The following CGRRF1 variants were observed in gnomAD, a reference collection of about 807,000 sequenced individuals.
CGRRF1 encodes the protein cell growth regulator with RING finger domain protein 1.
Under a neutral mutation model 37.2 loss-of-function variants are expected in CGRRF1, and 32 were observed. The observed-to-expected ratio is 0.86, with a 90% CI of 0.65 to 1.16. The LOEUF (loss-of-function observed/expected upper bound fraction) is 1.16. Among genes scored for constraint, CGRRF1 ranks in the 50% most tolerant of loss-of-function variants. CGRRF1 has a pLI of 0.00. For synonymous variants in CGRRF1, 141 were observed against 140.3 expected (o/e 1.00, Z -0.04); for missense variants, 391 against 382.6 (o/e 1.02, Z -0.18).
In CGRRF1 at chr14:54,522,570, A is replaced by C. The variant is rs1365502814; in HGVS notation, c.221A>C (p.Asn74Thr). ...AATCCTTTTGGCTTAGAGATCACTA[A>C]TCCATCTTCAGCTTCAATTACAAGT... is the stretch of plus-strand genomic sequence containing the variant. ...VKNPFGLEITNPSSASITTGI... is the reference protein window; with the variant it reads ...VKNPFGLEITTPSSASITTGI... The change falls in exon 2 of 6, where the codon AAT becomes ACT. Residue 74 changes from asparagine (N) to threonine (T), a missense_variant. Asn to Thr is a moderately conservative substitution (Grantham distance 65). Coordinates refer to ENST00000216420, the MANE Select transcript of CGRRF1 (RefSeq NM_006568.3). The C allele has an allele frequency of 6.9e-6, 11 of 1,590,392 alleles. No homozygotes were observed. The highest frequency in any genetic ancestry group is 9.4e-6 in the Non-Finnish European group (11 of 1,172,628).
rs779089487 is a variant in CGRRF1 at position 54,510,103 on chromosome 14, G to A, written c.104+40G>A. 12 of 1,472,914 alleles carry A rather than the reference G, an allele frequency of 8.1e-6. No individual in the cohort carries two copies. The Admixed American group carries it at 1.0e-4, about 13-fold the overall frequency. The allele number at this position is 1,472,914 out of a possible 1,614,324, so 91.2% of individuals were successfully genotyped here. A position where few individuals can be genotyped will look rare whatever the true frequency, so the allele number is the denominator to read the frequency against. On this transcript the variant is annotated intron_variant, in intron 1 of 5. Transcript: ENST00000216420. ...GGTGAGAGACGAAGGGGCGGATACC[G>A]CCAGAGTGGGGTCGCGACGAGCAGC... is the stretch of plus-strand genomic sequence containing the variant.
chr14:54,537,344 G>T (rs1380201296), intron 4 of CGRRF1: 1 of 153,030 alleles, frequency 6.5e-6, no homozygotes, highest in Non-Finnish European at 1.5e-5. Context: ...AGCTCTCTAA[G>T]CAAAAGTGTT....
At chr14:54,532,646 C>T (rs1008478114) in intron 4 of CGRRF1, among the ~76,000 whole-genome samples, 2 of 150,876 alleles carry the variant, frequency 1.3e-5, no homozygotes, top group Non-Finnish European at 2.9e-5. Context: ...AGTGTATTTC[C>T]AGAACCTAGT....
At chr14:54,533,860 A>G (rs2032559603) in intron 4 of CGRRF1, among the ~76,000 whole-genome samples, 2 of 152,078 alleles carry the variant, frequency 1.3e-5, no homozygotes, top group South Asian at 4.2e-4. Context: ...AAGTGTAGAT[A>G]AGCCAAAAGG....
chr14:54,526,431 G>A (rs750634826), intron 2 of CGRRF1, among the ~76,000 whole-genome samples: 26 of 151,554 alleles, frequency 1.7e-4, no homozygotes, highest in Admixed American at 3.3e-4. Context: ...TTACAAGTGT[G>A]AGCCACTGCG....
chr14:54,510,093 G>A (rs764422996), intron 1 of CGRRF1, 30 bp downstream of exon 1: 2 of 1,527,670 alleles, frequency 1.3e-6, no homozygotes, highest in Non-Finnish European at 1.8e-6. Context: ...GAGACGAAGG[G>A]GCGGATACCG....
intron 2 of CGRRF1, 74 bp downstream of exon 2, chr14:54,522,667 A>G (rs1028956061): frequency 1.1e-5 from 15 of 1,359,758 alleles, no homozygotes; most frequent in Admixed American, 2.4e-5. Context: ...TTCTTTCTCT[A>G]TTTCTTTCCC....
chr14:54,532,084 T>C (rs2032525647), intron 4 of CGRRF1, among the ~76,000 whole-genome samples: 1 of 152,150 alleles, frequency 6.6e-6, no homozygotes, highest in African/African-American at 2.4e-5. Context: ...ATTCAGGCAG[T>C]AAGAGATGGA....
intron 4 of CGRRF1, among the ~76,000 whole-genome samples, chr14:54,532,096 C>T (rs955122195): frequency 2.0e-5 from 3 of 152,104 alleles, no homozygotes; most frequent in African/African-American, 7.2e-5. Flanking sequence ...AGAGATGGAA[C>T]AAGAGCTTGA....
intron 1 of CGRRF1, 134 bp from the exon 2 acceptor site, chr14:54,522,320 G>T (rs2032329709): frequency 1.7e-6 from 1 of 601,806 alleles, no homozygotes; most frequent in East Asian, 3.4e-5. Context: ...CTAAAATAAC[G>T]TAAATTGAGA....
At chr14:54,522,350 A>C in intron 1 of CGRRF1, 104 bp from the exon 2 acceptor site, 1 of 785,576 alleles carries the variant, frequency 1.3e-6, no homozygotes, top group Non-Finnish European at 1.9e-6. Flanking sequence ...TCTTTCTGAC[A>C]CTTAATGCTA....
At chr14:54,519,162 T>C (rs1184814935) in intron 1 of CGRRF1, among the ~76,000 whole-genome samples, 1 of 152,028 alleles carries the variant, frequency 6.6e-6, no homozygotes, top group African/African-American at 2.4e-5. Context: ...TTCAAGCTGG[T>C]CTTGAACTCC....
chr14:54,518,095 G>A (rs866065604), intron 1 of CGRRF1, among the ~76,000 whole-genome samples: 13 of 152,242 alleles, frequency 8.5e-5, no homozygotes, highest in Middle Eastern at 3.4e-3. Context: ...ATGCATGCAT[G>A]TATCTTTATA....
chr14:54,530,110 C>A lies in CGRRF1; in HGVS notation c.306C>A (p.Cys102Ter). 1 of 1,613,528 alleles carries A rather than the reference C, an allele frequency of 6.2e-7. No homozygotes were observed. The highest frequency in any genetic ancestry group is 8.5e-7 in the Non-Finnish European group (1 of 1,179,552). Reference sequence around the variant, plus strand: ...GCCTCCTTACATGCTACTGGGGGTGCAGTGTTCAAAAATTATATGAAGCTC... The same window carrying A: ...GCCTCCTTACATGCTACTGGGGGTGAAGTGTTCAAAAATTATATGAAGCTC... Reference protein sequence around the residue: ...EDSLLTCYWGCSVQKLYEALQ... With the variant: ...EDSLLTCYWG Residue 102 changes from cysteine (C) to a stop codon, truncating the protein, a stop_gained, in exon 3 of 6, where the codon TGC (cysteine) becomes TGA (stop). Coordinates refer to ENST00000216420, the MANE Select transcript of CGRRF1 (RefSeq NM_006568.3). LOFTEE classifies it high-confidence loss of function.
intron 2 of CGRRF1, among the ~76,000 whole-genome samples, chr14:54,527,516 G>GT (rs1260675004): frequency 2.6e-5 from 4 of 151,890 alleles, no homozygotes; most frequent in Non-Finnish European, 4.4e-5. Flanking sequence ...AGATTCTGTA[G>GT]TTTTTTTAAA....
chr14:54,538,530 AAATT>A lies in CGRRF1; in HGVS notation c.*153_*156del. 2 of 540,458 alleles carry A rather than the reference AAATT, an allele frequency of 3.7e-6. No individual in the cohort carries two copies. The highest frequency in any genetic ancestry group is 3.3e-5 in the South Asian group (1 of 30,384). 33.5% of individuals were successfully genotyped at this position (540,458 alleles called of 1,614,324 possible). ...TATTTGTATGGTACTTGGATGATAA[AAATT>A]AATTATTCCTTTCTGCTTAGTGAAT... On this transcript the variant is annotated 3_prime_UTR_variant, in exon 6 of 6. Coordinates refer to ENST00000216420, the MANE Select transcript of CGRRF1 (RefSeq NM_006568.3).
At chr14:54,525,705 G>A (rs1203762360) in intron 2 of CGRRF1, among the ~76,000 whole-genome samples, 2 of 152,176 alleles carry the variant, frequency 1.3e-5, no homozygotes, top group African/African-American at 4.8e-5. Flanking sequence ...TTCATTTGAT[G>A]TGTAGATAGT....
intron 1 of CGRRF1, 109 bp downstream of exon 1, chr14:54,510,172 G>C: frequency 1.3e-6 from 1 of 764,556 alleles, no homozygotes; most frequent in Admixed American, 2.1e-5. Flanking sequence ...AGGACGTCGG[G>C]GATTCGGTGT....
intron 4 of CGRRF1, among the ~76,000 whole-genome samples, chr14:54,531,276 GAT>G (rs1389606925): frequency 6.6e-6 from 1 of 151,996 alleles, no homozygotes; most frequent in Non-Finnish European, 1.5e-5. Context: ...GAAAATAAAA[GAT>G]ATATAATGGT....
Sources: gnomAD v4.1 joint callset for allele counts (sites outside exome capture counted in the v4.1 genomes callset) on GRCh38, gnomAD v4.1.1 for gene constraint, MANE v1.5 for transcripts, NCBI Gene and HGNC (gene_info 2026-07-23, HGNC 2026-07-21) for gene names.